The following MGAT4C variants were observed in gnomAD, a reference collection of about 807,000 sequenced individuals.
The protein encoded by MGAT4C is alpha-1,3-mannosyl-glycoprotein 4-beta-N-acetylglucosaminyltransferase C.
Under a neutral mutation model 40.1 loss-of-function variants are expected in MGAT4C, and 19 were observed. The observed-to-expected ratio is 0.47, with a 90% CI of 0.33 to 0.70. The LOEUF is 0.70. Ranked by LOEUF, MGAT4C falls within the 30% of genes least tolerant of loss-of-function variation. The probability of loss-of-function intolerance (pLI) is 0.02; values close to 1 mark genes in which losing one functional copy is unlikely to be tolerated. For synonymous variants in MGAT4C, 181 were observed against 187.1 expected (o/e 0.97, Z 0.27); for missense variants, 491 against 563.2 (o/e 0.87, Z 1.30).
intron 2 of MGAT4C, among the ~76,000 whole-genome samples, chr12:86,508,711 C>A (rs12318276): frequency 0.15 from 22,653 of 146,944 alleles, 3,882 homozygotes; most frequent in African/African-American, 0.42. Flanking sequence ...CACATCCTCT[C>A]CAGCACCTGT....
chr12:86,623,373 T>C (rs549724746), intron 2 of MGAT4C, among the ~76,000 whole-genome samples: 1 of 152,124 alleles, frequency 6.6e-6, no homozygotes, highest in African/African-American at 2.4e-5. Context: ...ACATAAAGAA[T>C]AGTAACTAAC....
At position 85,970,068 on chromosome 12, in the gene MGAT4C, G is replaced by C. The variant is rs1438883705; in HGVS notation, c.*9221C>G. The C allele has an allele frequency of 6.6e-6, 1 of 151,154 alleles. No homozygotes were observed. Among genetic ancestry groups the C allele is most frequent in the Non-Finnish European group, 1.5e-5 (1 of 67,372 alleles). The allele number at this position is 151,154 out of a possible 1,614,324, so 9.4% of individuals were successfully genotyped here. A position where few individuals can be genotyped will look rare whatever the true frequency, so the allele number is the denominator to read the frequency against. ...CCTAGATGCCTTTTCTCTGGACCTA[G>C]ATAATTTAGTCTCACTCTGTGGCCT... On this transcript the variant is annotated 3_prime_UTR_variant, in exon 5 of 5. Transcript: ENST00000611864.
At chr12:86,393,778 AGC>A (rs541681197) in intron 3 of MGAT4C, among the ~76,000 whole-genome samples, 246 of 87,302 alleles carry the variant, frequency 2.8e-3, no homozygotes, top group Admixed American at 5.9e-3. Flanking sequence ...CATGGTGATT[AGC>A]CATAGGCATT....
At position 86,301,429 on chromosome 12, in the gene MGAT4C, T is replaced by C. The variant is rs73385208; in HGVS notation, c.-57+32636A>G. 4.2e-3 allele frequency among the ~76,000 whole-genome samples: 640 copies of C among 152,330 alleles called. 4 individuals are homozygous for C. Among genetic ancestry groups the C allele is most frequent in the African/African-American group, 0.015 (615 of 41,576 alleles). On this transcript the variant is annotated intron_variant, in intron 4 of 7. Coordinates refer to the MGAT4C transcript ENST00000548651. ...ATCATAGAAAGTCAATTCCAGTTCATACTATGGTTATCATGAGCTACAAAT... is the reference window on the plus strand; with the variant it reads ...ATCATAGAAAGTCAATTCCAGTTCACACTATGGTTATCATGAGCTACAAAT...
chr12:86,698,335 A>T (rs1400535297), intron 2 of MGAT4C, among the ~76,000 whole-genome samples: 2 of 152,042 alleles, frequency 1.3e-5, no homozygotes, highest in East Asian at 3.9e-4. Context: ...AAAATTTTTT[A>T]AAAAATTGTG....
chr12:86,178,168 C>G (rs181237368), intron 1 of MGAT4C, among the ~76,000 whole-genome samples: 2 of 152,108 alleles, frequency 1.3e-5, no homozygotes, highest in African/African-American at 2.4e-5. Context: ...GATCTCCTGA[C>G]CTTGTGATCC....
At chr12:86,138,635 GATATATCATATATATATTTCCAT>G (rs1566037816) in intron 1 of MGAT4C, among the ~76,000 whole-genome samples, 1 of 135,636 alleles carries the variant, frequency 7.4e-6, no homozygotes, top group South Asian at 2.4e-4. Flanking sequence ...TATTTCCATA[GATATATCATATATATATTTCCAT>G]ATATATCATA....
intron 3 of MGAT4C, among the ~76,000 whole-genome samples, chr12:86,356,482 T>A (rs1188079600): frequency 2.0e-5 from 3 of 152,242 alleles, no homozygotes; most frequent in Non-Finnish European, 2.9e-5. Context: ...TGTTGGACAC[T>A]GGGTGCAGCG....
chr12:86,354,975 G>A (rs181093706), intron 3 of MGAT4C, among the ~76,000 whole-genome samples: 16 of 152,272 alleles, frequency 1.1e-4, no homozygotes, highest in South Asian at 2.1e-4. Flanking sequence ...GGCTGGGGGC[G>A]GCCAGCTTTT....
chr12:86,449,808 GACC>G (rs1957394998), intron 2 of MGAT4C, among the ~76,000 whole-genome samples: 1 of 152,006 alleles, frequency 6.6e-6, no homozygotes, highest in Admixed American at 6.6e-5. Flanking sequence ...ATGGTTTTAT[GACC>G]ACATCTAATT....
At chr12:86,807,545 T>A (rs12372508) in intron 1 of MGAT4C, among the ~76,000 whole-genome samples, 18,775 of 152,186 alleles carry the variant, frequency 0.12, 1,296 homozygotes, top group Non-Finnish European at 0.15. Context: ...TTTGGATGGA[T>A]TCCATGTATT....
intron 2 of MGAT4C, among the ~76,000 whole-genome samples, chr12:86,491,263 G>T (rs552236317): frequency 5.9e-5 from 9 of 152,126 alleles, no homozygotes; most frequent in Non-Finnish European, 1.2e-4. Context: ...CCAATCAATA[G>T]AAAAAGAGGG....
chr12:86,508,124 T>G (rs987348714), intron 2 of MGAT4C, among the ~76,000 whole-genome samples: 6 of 152,124 alleles, frequency 3.9e-5, no homozygotes, highest in Non-Finnish European at 5.9e-5. Flanking sequence ...TAGTTACATA[T>G]GTATACATGT....
chr12:86,518,643 A>G (rs1958739657), intron 2 of MGAT4C, among the ~76,000 whole-genome samples: 2 of 152,226 alleles, frequency 1.3e-5, no homozygotes, highest in African/African-American at 4.8e-5. Flanking sequence ...AGAAAGTTTA[A>G]CATATGCTTA....
At chr12:86,630,946 A>G (rs1593062211) in intron 2 of MGAT4C, among the ~76,000 whole-genome samples, 1 of 152,180 alleles carries the variant, frequency 6.6e-6, no homozygotes, top group East Asian at 1.9e-4. Flanking sequence ...TTCAATTAGG[A>G]AAAGAGGAAG....
intron 3 of MGAT4C, among the ~76,000 whole-genome samples, chr12:86,400,095 A>G (rs1204660765): frequency 6.6e-6 from 1 of 152,174 alleles, no homozygotes; most frequent in Non-Finnish European, 1.5e-5. Context: ...GTCAGAATGA[A>G]CTGGAGGACA....
chr12:86,804,819 G>A (rs574439705), intron 1 of MGAT4C, among the ~76,000 whole-genome samples: 1 of 151,948 alleles, frequency 6.6e-6, no homozygotes, highest in Non-Finnish European at 1.5e-5. Context: ...GAAAAATTTT[G>A]AGAATAAATT....
At chr12:86,792,068 G>C (rs1426546394) in intron 1 of MGAT4C, among the ~76,000 whole-genome samples, 1 of 152,094 alleles carries the variant, frequency 6.6e-6, no homozygotes, top group Non-Finnish European at 1.5e-5. Flanking sequence ...CAGAAAAATA[G>C]CATAATGCTT....
At chr12:86,690,452 G>A (rs185859822) in intron 2 of MGAT4C, among the ~76,000 whole-genome samples, 47 of 152,258 alleles carry the variant, frequency 3.1e-4, no homozygotes, top group African/African-American at 9.6e-4. Context: ...GTAGGCACCC[G>A]AGAGAATCTC....
Sources: gnomAD v4.1 joint callset for allele counts (sites outside exome capture counted in the v4.1 genomes callset) on GRCh38, gnomAD v4.1.1 for gene constraint, MANE v1.5 for transcripts, NCBI Gene and HGNC (gene_info 2026-07-23, HGNC 2026-07-21) for gene names.